The following ZFR variants were observed in gnomAD, a reference collection of about 807,000 sequenced individuals.
ZFR encodes zinc finger RNA binding protein.
Under a neutral mutation model 130.7 loss-of-function variants are expected in ZFR, and 19 were observed. That is an observed-to-expected ratio of 0.15 (90% CI 0.10 to 0.21). The LOEUF is 0.21. Ranked by LOEUF, ZFR falls within the 10% of genes least tolerant of loss-of-function variation. ZFR has a pLI of 1.00. For missense variants in ZFR, 872 were observed against 1,321.5 expected (o/e 0.66, Z 5.27); for synonymous variants, 466 against 456.9 (o/e 1.02, Z -0.25).
chr5:32,407,608 A>G (rs1255606614), intron 5 of ZFR, among the ~76,000 whole-genome samples: 1 of 152,006 alleles, frequency 6.6e-6, no homozygotes. Flanking sequence ...AGGCAAGGTA[A>G]ATAAAGTTTA....
chr5:32,388,655 G>A lies in ZFR; in HGVS notation c.2162C>T (p.Ser721Leu). Reference sequence around the variant, plus strand: ...TGTCATTACATAACGGTCATCAGATGAGTCAGGACGACGTAAGGGCTACAG... The same window carrying A: ...TGTCATTACATAACGGTCATCAGATAAGTCAGGACGACGTAAGGGCTACAG... ...QGPAPLRRPDSSDDRYVMTKH... is the reference protein window; with the variant it reads ...QGPAPLRRPDLSDDRYVMTKH... The change falls in exon 13 of 20, where the codon TCA becomes TTA. Residue 721 changes from serine to leucine, a missense_variant. By Grantham distance (145) the Ser-to-Leu change is moderately radical (BLOSUM62 -2). Coordinates refer to ENST00000265069, the MANE Select transcript of ZFR (RefSeq NM_016107.5). The A allele has an allele frequency of 1.2e-6, 2 of 1,613,702 alleles. No homozygotes were observed. Among genetic ancestry groups the A allele is most frequent in the South Asian group, 1.1e-5 (1 of 90,986 alleles).
In ZFR at chr5:32,355,754, C is replaced by T. The variant is rs765610571; in HGVS notation, c.*6G>A. On this transcript the variant is annotated 3_prime_UTR_variant, in exon 20 of 20. Coordinates refer to ENST00000265069, the MANE Select transcript of ZFR (RefSeq NM_016107.5). Reference sequence around the variant, plus strand: ...TTTTTTAACACTGAAGATTTACAGACACTTTTTAAAAGTTATCATAATCTT... The same window carrying T: ...TTTTTTAACACTGAAGATTTACAGATACTTTTTAAAAGTTATCATAATCTT... The T allele has an allele frequency of 2.6e-6, 4 of 1,566,264 alleles. No individual in the cohort carries two copies. Among genetic ancestry groups the T allele is most frequent in the Non-Finnish European group, 3.4e-6 (4 of 1,160,196 alleles).
At chr5:32,372,757 C>T (rs1438789045) in intron 17 of ZFR, among the ~76,000 whole-genome samples, 1 of 151,932 alleles carries the variant, frequency 6.6e-6, no homozygotes, top group Non-Finnish European at 1.5e-5. Flanking sequence ...ATCTCTTGAA[C>T]CCAGGAGGTG....
At chr5:32,391,612 T>C (rs1753179718) in intron 11 of ZFR, among the ~76,000 whole-genome samples, 1 of 151,550 alleles carries the variant, frequency 6.6e-6, no homozygotes, top group Admixed American at 6.6e-5. Context: ...ATACCAATAA[T>C]TCCCAAGGGA....
At chr5:32,379,069 A>T in intron 17 of ZFR, 46 bp downstream of exon 17, 1 of 1,398,792 alleles carries the variant, frequency 7.1e-7, no homozygotes, top group Non-Finnish European at 1.0e-6. Flanking sequence ...AAGCTGCAGA[A>T]TTATTTCCTA....
chr5:32,359,241 C>G (rs1282336279), intron 19 of ZFR, among the ~76,000 whole-genome samples: 3 of 152,126 alleles, frequency 2.0e-5, no homozygotes, highest in African/African-American at 7.2e-5. Flanking sequence ...CCGTGGCCCT[C>G]AGTGTTGAAT....
intron 4 of ZFR, among the ~76,000 whole-genome samples, 178 bp downstream of exon 4, chr5:32,417,470 G>A (rs763267727): frequency 2.6e-4 from 40 of 152,332 alleles, no homozygotes; most frequent in Non-Finnish European, 4.0e-4. Context: ...ATTTCCAGGA[G>A]AGAAAGGCAT....
Position 32,403,231 on chromosome 5 carries a change from G to C in ZFR, c.1391C>G (p.Ser464Cys). 6.2e-7 allele frequency: 1 copy of C among 1,614,164 alleles called. No homozygotes were observed. Among genetic ancestry groups the C allele is most frequent in the South Asian group, 1.1e-5 (1 of 91,084 alleles). ...CTVNTSSVATSSMKGLTTTGN... is the reference protein window; with the variant it reads ...CTVNTSSVATCSMKGLTTTGN... Reference sequence around the variant, plus strand: ...TGTAGTCGTAAGACCCTTCATTGAAGACGTTGCAACTGATGACGTATTCAC... The same window carrying C: ...TGTAGTCGTAAGACCCTTCATTGAACACGTTGCAACTGATGACGTATTCAC... The change falls in exon 8 of 20, where the codon TCT (serine) becomes TGT (cysteine). Residue 464 changes from serine (S) to cysteine (C), a missense_variant. This residue lies in a region of ZFR where 143 missense variants were observed against 137.9 expected (regional missense o/e 1.04). Coordinates refer to ENST00000265069, the MANE Select transcript of ZFR (RefSeq NM_016107.5).
chr5:32,406,615 C>A, intron 6 of ZFR, 159 bp downstream of exon 6: 1 of 1,040,692 alleles, frequency 9.6e-7, no homozygotes, highest in Non-Finnish European at 1.3e-6. Context: ...TTTTTTTTCC[C>A]TGAAAATTCT....
intron 12 of ZFR, 57 bp from the exon 13 acceptor site, chr5:32,388,731 T>C (rs1287418889): frequency 2.1e-6 from 3 of 1,428,198 alleles, no homozygotes; most frequent in Non-Finnish European, 2.9e-6. Flanking sequence ...AAAAGCAAAT[T>C]ATATTTTTCA....
chr5:32,419,758 C>T, intron 3 of ZFR, 63 bp downstream of exon 3: 1 of 1,521,442 alleles, frequency 6.6e-7, no homozygotes, highest in Admixed American at 2.1e-5. Context: ...TAGGGCATTA[C>T]ATTATACACT....
intron 15 of ZFR, among the ~76,000 whole-genome samples, chr5:32,380,655 T>A (rs973307936): frequency 1.1e-4 from 8 of 74,436 alleles, no homozygotes; most frequent in Non-Finnish European, 2.4e-4. Flanking sequence ...CATTTCTTTT[T>A]TTTTTTTTTT....
intron 11 of ZFR, among the ~76,000 whole-genome samples, chr5:32,391,202 C>G (rs1413807724): frequency 6.6e-6 from 1 of 152,232 alleles, no homozygotes; most frequent in Non-Finnish European, 1.5e-5. Context: ...CATGTCCACA[C>G]AGTATACACC....
At chr5:32,395,423 C>T in intron 10 of ZFR, 119 bp from the exon 11 acceptor site, 2 of 707,830 alleles carry the variant, frequency 2.8e-6, no homozygotes, top group Non-Finnish European at 4.1e-6. Context: ...AAGTTTCCCA[C>T]TAGAGAGTAA....
At chr5:32,372,780 A>C (rs1752704114) in intron 17 of ZFR, among the ~76,000 whole-genome samples, 1 of 152,106 alleles carries the variant, frequency 6.6e-6, no homozygotes, top group African/African-American at 2.4e-5. Context: ...GGTTACAGTG[A>C]GTTGAGATCA....
chr5:32,409,429 C>G (rs1291014127), intron 5 of ZFR, among the ~76,000 whole-genome samples: 1 of 151,762 alleles, frequency 6.6e-6, no homozygotes, highest in East Asian at 1.9e-4. Context: ...CGCCCCACCC[C>G]CCCATTTTTT....
At chr5:32,406,681 A>AC in intron 6 of ZFR, 93 bp downstream of exon 6, 1 of 1,442,636 alleles carries the variant, frequency 6.9e-7, no homozygotes, top group Non-Finnish European at 9.1e-7. Context: ...AACAGGAAAA[A>AC]ATGTAAACCT....
intron 4 of ZFR, among the ~76,000 whole-genome samples, chr5:32,416,587 C>T (rs1334453090): frequency 1.5e-5 from 2 of 133,768 alleles, no homozygotes; most frequent in African/African-American, 5.8e-5. Flanking sequence ...GCACTCCAGC[C>T]TGGGCGACAA....
intron 17 of ZFR, among the ~76,000 whole-genome samples, chr5:32,368,147 A>AT (rs1157603913): frequency 2.0e-5 from 3 of 152,240 alleles, no homozygotes; most frequent in Non-Finnish European, 4.4e-5. Flanking sequence ...AAGCCACCTG[A>AT]TGAGATTTCA....
Sources: allele counts gnomAD v4.1 joint callset (sites outside exome capture counted in the v4.1 genomes callset), GRCh38; gene constraint gnomAD v4.1.1; regional missense constraint gnomAD v4.1.1; transcripts MANE v1.5; gene names NCBI Gene and HGNC (gene_info 2026-07-23, HGNC 2026-07-21).